The following CNTN3 variants were observed in gnomAD, a reference collection of about 807,000 sequenced individuals.
CNTN3 encodes contactin-3.
Under a neutral mutation model 119.1 loss-of-function variants are expected in CNTN3, and 60 were observed. The ratio of observed to expected loss-of-function variants is 0.50; its 90% confidence interval spans 0.41 to 0.62. The LOEUF is 0.62. Among genes scored for constraint, CNTN3 ranks in the 20% least tolerant of loss-of-function variants. The pLI, the probability that CNTN3 is intolerant of heterozygous loss-of-function variation, is 0.00. For missense variants in CNTN3, 1,101 were observed against 1,242.4 expected (o/e 0.89, Z 1.71); for synonymous variants, 450 against 438.7 (o/e 1.03, Z -0.32).
chr3:74,498,579 T>C (rs936252930), intron 3 of CNTN3, among the ~76,000 whole-genome samples: 2 of 151,794 alleles, frequency 1.3e-5, no homozygotes, highest in African/African-American at 4.8e-5. Context: ...TACTTCCAGA[T>C]GCAAAAATAC....
intron 1 of CNTN3, among the ~76,000 whole-genome samples, chr3:74,586,488 T>G (rs919729508): frequency 6.6e-6 from 1 of 152,102 alleles, no homozygotes; most frequent in African/African-American, 2.4e-5. Flanking sequence ...ATTAAGAAAC[T>G]CTATCAAGTG....
Position 74,489,855 on chromosome 3 carries a change from ACAATGTATG to A in CNTN3, c.183-3233_183-3225del, listed in dbSNP as rs544792842. 4.6e-5 allele frequency among the ~76,000 whole-genome samples: 7 copies of A among 152,266 alleles called. No individual in the cohort carries two copies. The South Asian group carries it at 1.2e-3, about 27-fold the overall frequency. Reference sequence around the variant, plus strand: ...AGGATTGCTCTTCAAATTTATTCAGACAATGTATGCAAAGCTCTCAGCTCAGTGCTTCCA... The same window carrying A: ...AGGATTGCTCTTCAAATTTATTCAGACAAAGCTCTCAGCTCAGTGCTTCCA... On this transcript the variant is annotated intron_variant, in intron 3 of 22. Transcript: ENST00000263665.
chr3:74,467,596 T>C (rs1042976527), intron 4 of CNTN3, among the ~76,000 whole-genome samples: 2 of 140,460 alleles, frequency 1.4e-5, no homozygotes, highest in African/African-American at 5.4e-5. Context: ...TTATGGTACA[T>C]GATACACTAC....
Position 74,486,650 on chromosome 3 carries a change from G to T in CNTN3, c.183-19C>A. On this transcript the variant is annotated intron_variant, in intron 3 of 22. Coordinates refer to ENST00000263665, the MANE Select transcript of CNTN3 (RefSeq NM_020872.3). Reference sequence around the variant, plus strand: ...CTGCCATCTGTAAAACAAATATCAAGGTTCCCCCCCCTTAGTATTTTTAAC... The same window carrying T: ...CTGCCATCTGTAAAACAAATATCAATGTTCCCCCCCCTTAGTATTTTTAAC... 6.7e-7 allele frequency: 1 copy of T among 1,503,700 alleles called. No individual in the cohort carries two copies. The allele number at this position is 1,503,700 out of a possible 1,614,324, so 93.1% of individuals were successfully genotyped here. A position where few individuals can be genotyped will look rare whatever the true frequency, so the allele number is the denominator to read the frequency against.
intron 4 of CNTN3, among the ~76,000 whole-genome samples, chr3:74,473,823 C>G (rs934537244): frequency 6.6e-6 from 1 of 152,104 alleles, no homozygotes. Flanking sequence ...AAAACATTCA[C>G]AGCACCTAAA....
At chr3:74,365,830 G>T in intron 8 of CNTN3, 128 bp from the exon 9 acceptor site, 1 of 1,028,262 alleles carries the variant, frequency 9.7e-7, no homozygotes, top group Non-Finnish European at 1.4e-6. Context: ...ATTGAAGTGA[G>T]AACAGAGGCT....
At chr3:74,600,794 G>T (rs1704897364) in intron 1 of CNTN3, among the ~76,000 whole-genome samples, 1 of 151,996 alleles carries the variant, frequency 6.6e-6, no homozygotes, top group African/African-American at 2.4e-5. Context: ...TGATTCGTGG[G>T]TTTAAGAGCA....
chr3:74,373,842 C>T (rs1202029177), intron 5 of CNTN3, among the ~76,000 whole-genome samples: 1 of 152,004 alleles, frequency 6.6e-6, no homozygotes, highest in African/African-American at 2.4e-5. Flanking sequence ...GGAAGGAAGC[C>T]AAAATTAAAA....
chr3:74,530,264 C>G (rs1275117444), intron 1 of CNTN3, among the ~76,000 whole-genome samples: 1 of 151,928 alleles, frequency 6.6e-6, no homozygotes, highest in Non-Finnish European at 1.5e-5. Context: ...TCCTGGACCA[C>G]CAATACTCAG....
intron 4 of CNTN3, among the ~76,000 whole-genome samples, chr3:74,467,622 T>TAG (rs35987375): frequency 0.55 from 83,314 of 151,656 alleles, 23,210 homozygotes; most frequent in African/African-American, 0.57. Flanking sequence ...ACCACACACA[T>TAG]AATAGCGCTT....
intron 1 of CNTN3, among the ~76,000 whole-genome samples, chr3:74,539,148 A>G (rs1703805382): frequency 6.6e-6 from 1 of 152,150 alleles, no homozygotes; most frequent in Non-Finnish European, 1.5e-5. Flanking sequence ...ATCATCAATA[A>G]ACACATATCT....
intron 1 of CNTN3, among the ~76,000 whole-genome samples, chr3:74,533,115 T>A (rs1372793469): frequency 6.6e-6 from 1 of 152,024 alleles, no homozygotes; most frequent in South Asian, 2.1e-4. Flanking sequence ...GAAATGATGA[T>A]GCCTGGCCAG....
At chr3:74,436,586 C>A (rs12637196) in intron 4 of CNTN3, among the ~76,000 whole-genome samples, 55,393 of 151,812 alleles carry the variant, frequency 0.36, 11,157 homozygotes, top group East Asian at 0.56. Context: ...TAGAAAAATA[C>A]CAAAAAAGTG....
At chr3:74,348,978 C>G (rs1015642067) in intron 11 of CNTN3, among the ~76,000 whole-genome samples, 1 of 151,478 alleles carries the variant, frequency 6.6e-6, no homozygotes, top group Non-Finnish European at 1.5e-5. Context: ...CCCAGCCACT[C>G]TGGAGGCTGA....
intron 1 of CNTN3, among the ~76,000 whole-genome samples, chr3:74,552,373 T>C (rs897150205): frequency 1.3e-5 from 2 of 152,162 alleles, no homozygotes; most frequent in Non-Finnish European, 2.9e-5. Context: ...AGGAGACTGC[T>C]AAATTGTCTT....
intron 5 of CNTN3, among the ~76,000 whole-genome samples, chr3:74,375,568 CT>C (rs1294509144): frequency 3.9e-5 from 6 of 152,130 alleles, no homozygotes; most frequent in Admixed American, 2.6e-4. Flanking sequence ...CCCAAGAGTC[CT>C]TATAAGAGAG....
At chr3:74,509,400 C>T (rs745574444) in intron 2 of CNTN3, among the ~76,000 whole-genome samples, 6 of 150,488 alleles carry the variant, frequency 4.0e-5, no homozygotes, top group Non-Finnish European at 5.9e-5. Context: ...CGAGTTCAAG[C>T]AATTCTCCTG....
intron 1 of CNTN3, among the ~76,000 whole-genome samples, chr3:74,574,362 T>C (rs1011239475): frequency 1.3e-5 from 2 of 152,152 alleles, no homozygotes; most frequent in African/African-American, 4.8e-5. Flanking sequence ...TAGAATTAGA[T>C]AGTGGTGATG....
chr3:74,477,093 T>A (rs927785000), intron 4 of CNTN3, among the ~76,000 whole-genome samples: 5 of 152,130 alleles, frequency 3.3e-5, no homozygotes, highest in African/African-American at 1.2e-4. Context: ...TCCAGAATTG[T>A]ATAAAAATGA....
Sources: gnomAD v4.1 joint callset for allele counts (sites outside exome capture counted in the v4.1 genomes callset) on GRCh38, gnomAD v4.1.1 for gene constraint, MANE v1.5 for transcripts, NCBI Gene and HGNC (gene_info 2026-07-23, HGNC 2026-07-21) for gene names.